Variants in GPC5 observed in about 807,000 individuals in gnomAD.
GPC5 encodes the protein glypican-5.
In GPC5, 47 loss-of-function variants were observed where a neutral mutation model predicts 53.9. That is an observed-to-expected ratio of 0.87 (90% CI 0.69 to 1.11). The LOEUF (loss-of-function observed/expected upper bound fraction) is 1.11. Among genes scored for constraint, GPC5 ranks in the 50% most tolerant of loss-of-function variants. The probability of loss-of-function intolerance (pLI) is 0.00; values close to 1 mark genes in which losing one functional copy is unlikely to be tolerated. For synonymous variants in GPC5, 286 were observed against 263.3 expected, an observed-to-expected ratio of 1.09 and a Z score of -0.84; for missense variants, 748 against 713.1, an observed-to-expected ratio of 1.05 and a Z score of -0.56.
rs180882099 is a variant in GPC5, at chr13:92,247,975, C to T, written c.1561+102986C>T. ...ACTCTTAACACATTTATAATCCAAA[C>T]AAACAGCCAGCACACATAAACATGA... On this transcript the variant is annotated intron_variant, in intron 7 of 7. Coordinates refer to ENST00000377067, the MANE Select transcript of GPC5 (RefSeq NM_004466.6). Among the ~76,000 whole-genome samples the T allele has an allele frequency of 4.3e-4, 66 of 152,020 alleles. No homozygotes were observed. The East Asian group carries it at 8.9e-3, about 21-fold the overall frequency.
chr13:92,245,366 C>T (rs2042642802), intron 7 of GPC5, among the ~76,000 whole-genome samples: 1 of 152,130 alleles, frequency 6.6e-6, no homozygotes, highest in Admixed American at 6.6e-5. Context: ...TTTGTTTCTA[C>T]CATTTATCCC....
intron 7 of GPC5, among the ~76,000 whole-genome samples, chr13:92,395,141 T>C (rs1484887207): frequency 1.3e-5 from 2 of 152,196 alleles, no homozygotes; most frequent in Admixed American, 6.5e-5. Flanking sequence ...TCATTTAATA[T>C]CTAACATATT....
chr13:92,662,334 A>C (rs1297194339), intron 7 of GPC5, among the ~76,000 whole-genome samples: 1 of 152,164 alleles, frequency 6.6e-6, no homozygotes, highest in Non-Finnish European at 1.5e-5. Context: ...GCATACTGCT[A>C]CTTCCATGCT....
intron 7 of GPC5, among the ~76,000 whole-genome samples, chr13:92,585,535 C>G (rs1236281815): frequency 1.3e-5 from 2 of 152,152 alleles, no homozygotes; most frequent in Non-Finnish European, 2.9e-5. Flanking sequence ...AGGGAATTGC[C>G]TTGTCTCAGA....
At chr13:92,346,157 T>C (rs2043410175) in intron 7 of GPC5, among the ~76,000 whole-genome samples, 2 of 152,042 alleles carry the variant, frequency 1.3e-5, no homozygotes. Context: ...AGCCAAAAGC[T>C]CACCACAGGC....
intron 2 of GPC5, among the ~76,000 whole-genome samples, chr13:91,669,670 G>A (rs1831861767): frequency 6.6e-6 from 1 of 151,954 alleles, no homozygotes; most frequent in Non-Finnish European, 1.5e-5. Context: ...TTTTATAAGG[G>A]GCAAGTTAGG....
At chr13:91,967,798 A>G (rs911935420) in intron 6 of GPC5, among the ~76,000 whole-genome samples, 3 of 152,078 alleles carry the variant, frequency 2.0e-5, no homozygotes, top group Non-Finnish European at 4.4e-5. Flanking sequence ...TTAGCATGTA[A>G]TTTCAACTAA....
At chr13:91,755,796 A>T (rs560782556) in intron 4 of GPC5, among the ~76,000 whole-genome samples, 1 of 152,214 alleles carries the variant, frequency 6.6e-6, no homozygotes, top group African/African-American at 2.4e-5. Flanking sequence ...GAAGACCCAG[A>T]TAGGAAAATA....
At chr13:92,713,921 C>T (rs61974481) in intron 7 of GPC5, among the ~76,000 whole-genome samples, 23,740 of 152,080 alleles carry the variant, frequency 0.16, 2,328 homozygotes, top group Middle Eastern at 0.25. Flanking sequence ...ATAGCTGTAA[C>T]AGACTTTGTT....
chr13:91,923,495 A>G (rs1358327185), intron 6 of GPC5, among the ~76,000 whole-genome samples: 1 of 152,226 alleles, frequency 6.6e-6, no homozygotes, highest in Non-Finnish European at 1.5e-5. Context: ...GAAGTGAAAT[A>G]AATACTATAT....
Position 92,753,433 on chromosome 13 carries a change from C to A in GPC5, c.1562-112849C>A, listed in dbSNP as rs187740599. 1.2e-4 allele frequency among the ~76,000 whole-genome samples: 18 copies of A among 152,306 alleles called. 1 individual carries two copies. Among genetic ancestry groups the A allele is most frequent in the East Asian group, 1.2e-3 (6 of 5,180 alleles). On this transcript the variant is annotated intron_variant, in intron 7 of 7. Transcript: ENST00000377067. ...TAAAGAGCAGAGCACCTCTCCTCCT[C>A]CAAAGGAATGCAGTTCCTCACCAGC...
intron 7 of GPC5, among the ~76,000 whole-genome samples, chr13:92,627,150 C>A (rs1179823264): frequency 3.3e-5 from 5 of 152,120 alleles, no homozygotes; most frequent in Non-Finnish European, 5.9e-5. Context: ...TATTTTCATG[C>A]CATAGAGCCA....
At chr13:91,994,755 A>T (rs1156772816) in intron 6 of GPC5, 1 of 152,174 alleles carries the variant, frequency 6.6e-6, no homozygotes, top group African/African-American at 2.4e-5. Context: ...GTCCTTTGTT[A>T]CAATCTGTTA....
intron 7 of GPC5, among the ~76,000 whole-genome samples, chr13:92,793,000 T>C (rs1876520807): frequency 6.6e-6 from 1 of 152,010 alleles, no homozygotes; most frequent in Non-Finnish European, 1.5e-5. Flanking sequence ...ATCAAGGATA[T>C]CCAGGACTTG....
chr13:92,652,127 TC>T (rs1885977929), intron 7 of GPC5, among the ~76,000 whole-genome samples: 1 of 152,182 alleles, frequency 6.6e-6, no homozygotes, highest in Admixed American at 6.6e-5. Context: ...AGGGTTTTTT[TC>T]TATACATTTC....
At chr13:92,536,779 G>T (rs1881738086) in intron 7 of GPC5, among the ~76,000 whole-genome samples, 1 of 151,824 alleles carries the variant, frequency 6.6e-6, no homozygotes, top group Non-Finnish European at 1.5e-5. Context: ...AATTCAAAAA[G>T]ACCATAAAAT....
intron 2 of GPC5, among the ~76,000 whole-genome samples, chr13:91,645,633 C>T (rs1362339726): frequency 6.6e-6 from 1 of 152,166 alleles, no homozygotes; most frequent in Admixed American, 6.5e-5. Flanking sequence ...AAAGGATTTC[C>T]TTATCCTACT....
intron 2 of GPC5, among the ~76,000 whole-genome samples, chr13:91,518,086 TTTACA>T (rs1885601013): frequency 6.6e-6 from 1 of 152,234 alleles, no homozygotes; most frequent in African/African-American, 2.4e-5. Flanking sequence ...TATAGGGTCC[TTTACA>T]TTACACAAGG....
chr13:92,290,501 C>T lies in GPC5; in HGVS notation c.1561+145512C>T, dbSNP rs539726861. ...CCTCACCCCCTTCTGACCCTTTCCC[C>T]AAGTCCCCAAAGTCCACTGTGTCAT... is the stretch of plus-strand genomic sequence containing the variant. On this transcript the variant is annotated intron_variant, in intron 7 of 7. Transcript: ENST00000377067. 1.2e-4 allele frequency among the ~76,000 whole-genome samples: 19 copies of T among 152,202 alleles called. No individual in the cohort carries two copies. In the East Asian group the frequency reaches 3.3e-3, roughly 26 times the overall value.
Sources: gnomAD v4.1 joint callset for allele counts (sites outside exome capture counted in the v4.1 genomes callset) on GRCh38, gnomAD v4.1.1 for gene constraint, MANE v1.5 for transcripts, NCBI Gene and HGNC (gene_info 2026-07-23, HGNC 2026-07-21) for gene names.